The following AACS variants were observed in gnomAD, a reference collection of about 807,000 sequenced individuals.
AACS encodes acetoacetate-CoA ligase.
AACS carries 69 observed loss-of-function variants against 83.1 expected under a neutral mutation model. The observed-to-expected ratio is 0.83, with a 90% CI of 0.68 to 1.01. AACS has a LOEUF of 1.01. AACS is among the 50% of genes least tolerant of loss of function. The pLI, the probability that AACS is intolerant of heterozygous loss-of-function variation, is 0.00. For missense variants in AACS, 866 were observed against 882.2 expected (o/e 0.98, Z 0.23); for synonymous variants, 333 against 343.4 (o/e 0.97, Z 0.33).
intron 8 of AACS, among the ~76,000 whole-genome samples, chr12:125,110,583 T>G (rs1956934231): frequency 6.6e-6 from 1 of 152,112 alleles, no homozygotes; most frequent in Non-Finnish European, 1.5e-5. Flanking sequence ...TCCCCATAGC[T>G]CATTTCCCCA....
At chr12:125,083,213 G>A (rs781088448) in intron 3 of AACS, among the ~76,000 whole-genome samples, 2 of 152,194 alleles carry the variant, frequency 1.3e-5, no homozygotes, top group Non-Finnish European at 2.9e-5. Context: ...GTGCCCACGT[G>A]GCTGTTGGTG....
At chr12:125,127,117 G>A (rs1361758392) in intron 12 of AACS, 1 of 151,896 alleles carries the variant, frequency 6.6e-6, no homozygotes, top group African/African-American at 2.4e-5. Context: ...TCCAGCCTGG[G>A]CAACAAGAGT....
intron 14 of AACS, 47 bp from the exon 15 acceptor site, chr12:125,133,956 T>C: frequency 6.2e-7 from 1 of 1,604,750 alleles, no homozygotes; most frequent in Non-Finnish European, 8.5e-7. Context: ...CAGCCTGTCA[T>C]GGCCCCTTCT....
chr12:125,102,003 G>A (rs1327361167), intron 5 of AACS: 1 of 147,534 alleles, frequency 6.8e-6, no homozygotes, highest in African/African-American at 2.5e-5. Context: ...CTGACCTCAT[G>A]ATCCGCCCAC....
At position 125,088,975 on chromosome 12, in the gene AACS, C is replaced by T. The variant is rs150771520; in HGVS notation, c.473-2451C>T. Among the ~76,000 whole-genome samples the T allele has an allele frequency of 2.0e-3, 307 of 152,262 alleles. 1 individual carries two copies. The highest frequency in any genetic ancestry group is 6.8e-3 in the African/African-American group (283 of 41,540). On this transcript the variant is annotated intron_variant, in intron 4 of 17. Coordinates refer to ENST00000316519, the MANE Select transcript of AACS (RefSeq NM_023928.5). ...TCTTCAAAAGATGGAGTTAAAGCTG[C>T]GCCTAGCTCCGTTTTCCTTTGTCTG...
chr12:125,076,750 A>C, intron 3 of AACS, 139 bp downstream of exon 3: 1 of 1,383,740 alleles, frequency 7.2e-7, no homozygotes, highest in South Asian at 1.4e-5. Context: ...ATTTCTGTCG[A>C]CTTTATTTTT....
At chr12:125,125,590 A>G (rs1025362924) in intron 12 of AACS, among the ~76,000 whole-genome samples, 4 of 152,254 alleles carry the variant, frequency 2.6e-5, no homozygotes, top group Non-Finnish European at 4.4e-5. Context: ...GAGGTGTAAC[A>G]TACCTTTTAG....
At chr12:125,085,407 C>T (rs1434031363) in intron 3 of AACS, among the ~76,000 whole-genome samples, 7 of 152,038 alleles carry the variant, frequency 4.6e-5, no homozygotes, top group East Asian at 3.9e-4. Flanking sequence ...GAACCACACA[C>T]GTGCACCTTG....
chr12:125,086,132 G>T (rs1175661435), intron 3 of AACS, among the ~76,000 whole-genome samples, 198 bp from the exon 4 acceptor site: 1 of 152,198 alleles, frequency 6.6e-6, no homozygotes, highest in Non-Finnish European at 1.5e-5. Flanking sequence ...TAGTGTATAT[G>T]TTCGGCTGAC....
At chr12:125,086,107 C>G (rs1246119335) in intron 3 of AACS, among the ~76,000 whole-genome samples, 1 of 152,198 alleles carries the variant, frequency 6.6e-6, no homozygotes, top group Non-Finnish European at 1.5e-5. Context: ...AGAATCTTTA[C>G]GCAGCACATG....
At chr12:125,081,428 C>T (rs1216247493) in intron 3 of AACS, among the ~76,000 whole-genome samples, 1 of 152,220 alleles carries the variant, frequency 6.6e-6, no homozygotes, top group Non-Finnish European at 1.5e-5. Flanking sequence ...CGATTATTGG[C>T]TCGGGGGCTT....
chr12:125,104,460 T>G (rs1217560575), intron 7 of AACS, among the ~76,000 whole-genome samples: 1 of 152,070 alleles, frequency 6.6e-6, no homozygotes, highest in East Asian at 1.9e-4. Context: ...GTTGGAGAGG[T>G]GAGACCCACC....
chr12:125,085,644 T>G (rs1427362468), intron 3 of AACS, among the ~76,000 whole-genome samples: 1 of 152,214 alleles, frequency 6.6e-6, no homozygotes, highest in Non-Finnish European at 1.5e-5. Context: ...CTGTCTTTGC[T>G]GGTGTACTCT....
intron 17 of AACS, chr12:125,139,255 C>G (rs990777162): frequency 9.8e-5 from 15 of 152,290 alleles, no homozygotes; most frequent in Non-Finnish European, 2.2e-4. Flanking sequence ...AGGAGAGGAG[C>G]CCCTCACTCA....
Position 125,129,358 on chromosome 12 carries a change from G to A in AACS, c.1447G>A (p.Gly483Ser), listed in dbSNP as rs768882103. 1.4e-5 allele frequency: 22 copies of A among 1,613,550 alleles called. No homozygotes were observed. The highest frequency in any genetic ancestry group is 1.7e-4 in the Middle Eastern group (1 of 5,938). The change falls in exon 14 of 18, where the codon GGC becomes AGC. Residue 483 changes from glycine to serine, a missense_variant. Coordinates refer to ENST00000316519, the MANE Select transcript of AACS (RefSeq NM_023928.5). The surrounding 1 kb of genome is among the most constrained non-coding windows in gnomAD (Gnocchi z 4.3). ...AGGAAAGGCGGTCTGGGGAGAGAGCGGCGAGCTGGTGTGTACTAAGCCGAT... is the reference window on the plus strand; with the variant it reads ...AGGAAAGGCGGTCTGGGGAGAGAGCAGCGAGCTGGTGTGTACTAAGCCGAT... ...EEGKAVWGES[G>S]ELVCTKPIPC...
At chr12:125,084,442 T>G (rs11058033) in intron 3 of AACS, among the ~76,000 whole-genome samples, 60,918 of 151,306 alleles carry the variant, frequency 0.4, 13,248 homozygotes, top group Non-Finnish European at 0.5. Context: ...CTCACTCTGT[T>G]GCTCAGGCTG....
chr12:125,138,838 G>C (rs1200606348), intron 17 of AACS: 1 of 152,048 alleles, frequency 6.6e-6, no homozygotes, highest in African/African-American at 2.4e-5. Context: ...CTCTTTTATT[G>C]CTGAGCTAGG....
intron 17 of AACS, among the ~76,000 whole-genome samples, chr12:125,137,185 A>T (rs573629033): frequency 7.9e-5 from 12 of 152,082 alleles, no homozygotes; most frequent in African/African-American, 2.7e-4. Flanking sequence ...TTTATTTTTT[A>T]TTTTATTTTT....
At position 125,102,441 on chromosome 12, in the gene AACS, G is replaced by A. The variant is rs966475829; in HGVS notation, c.571-238G>A. 76 of 430,620 alleles carry A rather than the reference G, an allele frequency of 1.8e-4. 1 individual carries two copies. The highest frequency in any genetic ancestry group is 1.2e-3 in the South Asian group (57 of 47,202). 26.7% of individuals were successfully genotyped at this position (430,620 alleles called of 1,614,324 possible). ...TGCCCTTTCTCTCCCGTGAAATGCA[G>A]TGGTCCTATTGGCTACTGAAGGTTT... On this transcript the variant is annotated intron_variant, in intron 5 of 17. Transcript: ENST00000316519.
Sources: allele counts gnomAD v4.1 joint callset (sites outside exome capture counted in the v4.1 genomes callset), GRCh38; gene constraint gnomAD v4.1.1; non-coding constraint Gnocchi (gnomAD v3.1); transcripts MANE v1.5; gene names NCBI Gene and HGNC (gene_info 2026-07-23, HGNC 2026-07-21).